The following UMODL1 variants were observed in gnomAD, a reference collection of about 807,000 sequenced individuals.
UMODL1 encodes uromodulin like 1, also known as uromodulin-like 1.
A neutral mutation model predicts 136.3 loss-of-function variants in UMODL1; 128 were observed. The observed-to-expected ratio is 0.94, with a 90% CI of 0.81 to 1.09. UMODL1 has a LOEUF of 1.09. Ranked by LOEUF, UMODL1 falls within the 50% of genes least tolerant of loss-of-function variation. UMODL1 has a pLI of 0.00. For synonymous variants in UMODL1, 721 were observed against 720.0 expected (o/e 1.00, Z -0.02); for missense variants, 1,766 against 1,725.6 (o/e 1.02, Z -0.41).
intron 2 of UMODL1, among the ~76,000 whole-genome samples, chr21:42,080,178 T>C (rs1330939999): frequency 6.6e-6 from 1 of 152,206 alleles, no homozygotes; most frequent in East Asian, 1.9e-4. Context: ...TTTTCTGGGA[T>C]GCCACACAGC....
chr21:42,140,418 A>C (rs1280947381), intron 22 of UMODL1, among the ~76,000 whole-genome samples: 1 of 151,374 alleles, frequency 6.6e-6, no homozygotes, highest in African/African-American at 2.4e-5. Context: ...TGGGAGGTCC[A>C]GGGCAGGAAG....
chr21:42,135,495 G>C (rs1444176464), intron 21 of UMODL1, among the ~76,000 whole-genome samples: 1 of 152,200 alleles, frequency 6.6e-6, no homozygotes, highest in Non-Finnish European at 1.5e-5. Context: ...TGAGAGTCCA[G>C]GGCCATTCCG....
chr21:42,078,231 C>G (rs1472698918), intron 2 of UMODL1, among the ~76,000 whole-genome samples: 15 of 86,334 alleles, frequency 1.7e-4, no homozygotes, highest in African/African-American at 7.0e-4. Flanking sequence ...ACCTCCATCA[C>G]CAATAGAAAC....
At chr21:42,080,118 G>A (rs2066344871) in intron 2 of UMODL1, among the ~76,000 whole-genome samples, 1 of 152,212 alleles carries the variant, frequency 6.6e-6, no homozygotes, top group Non-Finnish European at 1.5e-5. Context: ...CCGGATTTTG[G>A]CAGCGCGAAC....
At chr21:42,075,252 T>G (rs548238864) in intron 1 of UMODL1, among the ~76,000 whole-genome samples, 6 of 143,256 alleles carry the variant, frequency 4.2e-5, no homozygotes, top group South Asian at 4.4e-4. Context: ...GGGGGGGGGG[T>G]TTCACCATGT....
chr21:42,101,952 C>T, intron 7 of UMODL1: 1 of 455,854 alleles, frequency 2.2e-6, no homozygotes, highest in East Asian at 4.2e-5. Context: ...TTTGTACCTC[C>T]TTCCTGGGAT....
chr21:42,090,674 A>G (rs1319979656), intron 6 of UMODL1, among the ~76,000 whole-genome samples: 1 of 152,254 alleles, frequency 6.6e-6, no homozygotes, highest in Non-Finnish European at 1.5e-5. Context: ...TACAAAATAT[A>G]GTGATTCTCA....
chr21:42,080,462 A>G (rs960816585), intron 2 of UMODL1, among the ~76,000 whole-genome samples: 22 of 152,170 alleles, frequency 1.4e-4, no homozygotes, highest in African/African-American at 4.8e-4. Context: ...AATGCCAGAC[A>G]TGTTTCCTCC....
chr21:42,137,370 G>T, intron 21 of UMODL1, 69 bp from the exon 22 acceptor site: 1 of 1,575,680 alleles, frequency 6.3e-7, no homozygotes, highest in Non-Finnish European at 8.7e-7. Flanking sequence ...GGATCCGGGT[G>T]GAGGGCTTGC....
In UMODL1 at chr21:42,122,834, ACT is replaced by A; in HGVS notation, c.2835_2836del (p.Pro946TrpfsTer3). The A allele has an allele frequency of 2.5e-6, 4 of 1,591,736 alleles. No homozygotes were observed. In the African/African-American group the frequency reaches 4.1e-5, roughly 16 times the overall value. On this transcript the variant is annotated frameshift_variant, in exon 17 of 23. Coordinates refer to ENST00000408910, the MANE Select transcript of UMODL1 (RefSeq NM_001004416.3). LOFTEE classifies it high-confidence loss of function. This position sits in a 1 kb window ranked among gnomAD's most constrained non-coding sequence, Gnocchi z 4.3. Reference sequence around the variant, plus strand: ...TTTTCCTCCTTGTGCCTTGCAGGTGACTCTCCTGGCAATGAAACCTGGGCCAC... The same window carrying A: ...TTTTCCTCCTTGTGCCTTGCAGGTGACTCCTGGCAATGAAACCTGGGCCAC...
At chr21:42,118,872 CGTT>C (rs1405218127) in intron 14 of UMODL1, among the ~76,000 whole-genome samples, 2 of 110,412 alleles carry the variant, frequency 1.8e-5, no homozygotes, top group African/African-American at 6.3e-5. Flanking sequence ...TTTCTGAAGC[CGTT>C]TACTGGTTTG....
rs554518463 is a variant in UMODL1 at position 42,099,628 on chromosome 21, C to T, written c.1186+448C>T. On this transcript the variant is annotated intron_variant, in intron 7 of 22. Transcript: ENST00000408910. The surrounding 1 kb of genome is among the most constrained non-coding windows in gnomAD (Gnocchi z 4.1). ...TCGCTGACGTTTTCACGCCTTGCTT[C>T]ACTCATGATGCATGTAAAGCGAATG... Among the ~76,000 whole-genome samples, 2 of 152,338 alleles carry T rather than the reference C, an allele frequency of 1.3e-5. No homozygotes were observed. The highest frequency in any genetic ancestry group is 3.9e-4 in the East Asian group (2 of 5,176).
intron 2 of UMODL1, among the ~76,000 whole-genome samples, chr21:42,083,386 G>GC (rs1472415155): frequency 1.3e-5 from 2 of 151,876 alleles, no homozygotes; most frequent in African/African-American, 4.9e-5. Flanking sequence ...TCCTGTGGAC[G>GC]CCCCCACCTG....
intron 2 of UMODL1, among the ~76,000 whole-genome samples, chr21:42,082,802 T>G (rs1191714951): frequency 1.3e-5 from 2 of 152,198 alleles, no homozygotes; most frequent in Non-Finnish European, 2.9e-5. Context: ...GGGGTTCGGT[T>G]TCTTCTCCTT....
intron 17 of UMODL1, among the ~76,000 whole-genome samples, chr21:42,125,656 G>A (rs533939645): frequency 6.4e-4 from 97 of 152,334 alleles, no homozygotes; most frequent in Non-Finnish European, 1.2e-3. Flanking sequence ...GGGGATGGGC[G>A]GTGATCAGTG....
intron 6 of UMODL1, among the ~76,000 whole-genome samples, chr21:42,092,396 T>TC (rs2066502262): frequency 6.6e-6 from 1 of 151,594 alleles, no homozygotes; most frequent in South Asian, 2.1e-4. Flanking sequence ...TTTTTTTGTT[T>TC]TTTTTTTTAA....
In UMODL1 at chr21:42,085,373, C is replaced by T. The variant is rs773002175; in HGVS notation, c.564C>T (p.Asp188=). 3.1e-6 allele frequency: 5 copies of T among 1,614,062 alleles called. No individual in the cohort carries two copies. The highest frequency in any genetic ancestry group is 1.3e-5 in the African/African-American group (1 of 75,034). ...KMDFKELQQV[D]PRLLNHMRLL... ...ACTTCAAGGAACTCCAGCAAGTGGACCCCAGGCTCCTGAACCACATGCGCC... is the reference window on the plus strand; with the variant it reads ...ACTTCAAGGAACTCCAGCAAGTGGATCCCAGGCTCCTGAACCACATGCGCC... The change falls in exon 4 of 23, where the codon GAC becomes GAT. Residue 188 remains aspartate (D), a synonymous_variant. Transcript: ENST00000408910. The surrounding 1 kb of genome is among the most constrained non-coding windows in gnomAD (Gnocchi z 4.5).
intron 22 of UMODL1, among the ~76,000 whole-genome samples, chr21:42,140,108 A>G (rs551611932): frequency 7.0e-4 from 107 of 152,286 alleles, no homozygotes; most frequent in Non-Finnish European, 1.0e-4. Context: ...GAGTTGTTTC[A>G]AAAATCTGTT....
At chr21:42,118,817 G>GTC (rs1569168309) in intron 14 of UMODL1, among the ~76,000 whole-genome samples, 1 of 152,182 alleles carries the variant, frequency 6.6e-6, no homozygotes, top group African/African-American at 2.4e-5. Flanking sequence ...ATGAGGTAGG[G>GTC]TCTCTGCCTG....
Sources: gnomAD v4.1 joint callset for allele counts (sites outside exome capture counted in the v4.1 genomes callset) on GRCh38, gnomAD v4.1.1 for gene constraint, Gnocchi (gnomAD v3.1) non-coding constraint, MANE v1.5 for transcripts, NCBI Gene and HGNC (gene_info 2026-07-23, HGNC 2026-07-21) for gene names.